ACOT8: variants seen among roughly 807,000 people sequenced by gnomAD.
ACOT8 encodes the protein acyl-CoA thioesterase 8.
A neutral mutation model predicts 38.4 loss-of-function variants in ACOT8; 31 were observed. The observed-to-expected ratio is 0.81, with a 90% CI of 0.61 to 1.09. The LOEUF (loss-of-function observed/expected upper bound fraction) is 1.09. ACOT8 is among the 50% of genes least tolerant of loss of function. The pLI is 0.00. For synonymous variants in ACOT8, 158 were observed against 170.3 expected, an observed-to-expected ratio of 0.93 and a Z score of 0.56; for missense variants, 373 against 421.8, an observed-to-expected ratio of 0.88 and a Z score of 1.01.
At chr20:45,852,029 G>A (rs561668094) in intron 2 of ACOT8, among the ~76,000 whole-genome samples, 3 of 151,872 alleles carry the variant, frequency 2.0e-5, no homozygotes, top group South Asian at 4.2e-4. Flanking sequence ...TCGATCTGTC[G>A]CCCAGGTGGG....
intron 3 of ACOT8, among the ~76,000 whole-genome samples, chr20:45,846,750 T>C (rs2145764496): frequency 6.6e-6 from 1 of 152,316 alleles, no homozygotes; most frequent in Non-Finnish European, 1.5e-5. Flanking sequence ...ATCCTTTGTC[T>C]GGACCCAGAG....
rs747173631 is a variant in ACOT8, at chr20:45,843,627, G to C, written c.741C>G (p.His247Gln). The change falls in exon 5 of 6, where the codon CAC becomes CAG. Residue 247 changes from histidine to glutamine, a missense_variant. By Grantham distance (24) the His-to-Gln change is conservative. Transcript: ENST00000217455. ...CCAGTGAGACCATGAAGTGCACCTT[G>C]TGCTGCCACTGGTGAGGCAGCAGTG... ...GTALLPHQWQHKVHFMVSLDH... is the reference protein window; with the variant it reads ...GTALLPHQWQQKVHFMVSLDH... 1.2e-6 allele frequency: 2 copies of C among 1,613,880 alleles called. No homozygotes were observed. Among genetic ancestry groups the C allele is most frequent in the East Asian group, 2.2e-5 (1 of 44,868 alleles).
chr20:45,841,854 G>A lies in ACOT8; in HGVS notation c.944C>T (p.Ser315Leu), dbSNP rs892504403. The A allele has an allele frequency of 3.1e-6, 5 of 1,605,782 alleles. No individual in the cohort carries two copies. The highest frequency in any genetic ancestry group is 4.2e-6 in the Non-Finnish European group (5 of 1,177,408). ...EGVIRVKPQV[S>L]ESKL is the part of the protein sequence containing the mutation. ...TACCTCTGGCTACAGCTTGCTCTCT[G>A]AGACCTGGGGCTTCACTCGGATCAC... Residue 315 changes from serine to leucine, a missense_variant, in exon 6 of 6, where the codon TCA becomes TTA. Physicochemically the swap from Ser to Leu is moderately radical, Grantham distance 145 (BLOSUM62 -2). Transcript: ENST00000217455.
Position 45,844,609 on chromosome 20 carries a change from C to T in ACOT8, c.489-189G>A, listed in dbSNP as rs550201204. The stretch of plus-strand genomic sequence containing the variant: ...TGGCCACTTACGAGCCATGTGGTCT[C>T]GTGCTAATTAGTAATCTGAGTCTAT... On this transcript the variant is annotated intron_variant, in intron 3 of 5. Coordinates refer to ENST00000217455, the MANE Select transcript of ACOT8 (RefSeq NM_005469.4). Among the ~76,000 whole-genome samples, 3 of 152,234 alleles carry T rather than the reference C, an allele frequency of 2.0e-5. No homozygotes were observed. In the East Asian group the frequency reaches 5.8e-4, roughly 29 times the overall value.
chr20:45,854,786 A>G (rs1177990820), intron 2 of ACOT8, among the ~76,000 whole-genome samples: 1 of 142,568 alleles, frequency 7.0e-6, no homozygotes, highest in African/African-American at 2.7e-5. Flanking sequence ...CTCTTCTCCA[A>G]CCCAAGCTGC....
At chr20:45,850,908 G>A (rs78676906) in intron 2 of ACOT8, among the ~76,000 whole-genome samples, 3,093 of 152,144 alleles carry the variant, frequency 0.02, 126 homozygotes, top group African/African-American at 0.071. Context: ...ACTGGCCAGG[G>A]ATAAGGCAGC....
At chr20:45,856,663 G>C (rs1269715732) in intron 1 of ACOT8, among the ~76,000 whole-genome samples, 1 of 152,216 alleles carries the variant, frequency 6.6e-6, no homozygotes. Context: ...CTGGGCAACA[G>C]AGCAAGACTC....
chr20:45,854,334 C>A (rs557716140), intron 2 of ACOT8, among the ~76,000 whole-genome samples: 1 of 150,894 alleles, frequency 6.6e-6, no homozygotes, highest in Non-Finnish European at 1.5e-5. Flanking sequence ...CTCAGCCTCC[C>A]GAGTAGCTGG....
chr20:45,848,283 C>T (rs184150220), intron 3 of ACOT8, among the ~76,000 whole-genome samples, 167 bp downstream of exon 3: 3 of 152,270 alleles, frequency 2.0e-5, no homozygotes, highest in Admixed American at 6.5e-5. Flanking sequence ...TCAAGTTTCA[C>T]AAAAGGATTC....
intron 2 of ACOT8, among the ~76,000 whole-genome samples, chr20:45,851,270 G>A (rs139947153): frequency 6.6e-6 from 1 of 152,264 alleles, no homozygotes; most frequent in Non-Finnish European, 1.5e-5. Flanking sequence ...TTTGAGAAGG[G>A]CTTACCAAGA....
intron 3 of ACOT8, among the ~76,000 whole-genome samples, chr20:45,845,012 G>T (rs1321873248): frequency 1.3e-5 from 2 of 152,156 alleles, no homozygotes; most frequent in Non-Finnish European, 2.9e-5. Context: ...CAACTCCCAG[G>T]CTCAAGCCAT....
At chr20:45,856,483 C>CGA (rs1985438665) in intron 1 of ACOT8, among the ~76,000 whole-genome samples, 7 of 152,038 alleles carry the variant, frequency 4.6e-5, no homozygotes, top group Admixed American at 4.0e-4. Context: ...AGTTCGAGAC[C>CGA]AGCCTGGCCA....
chr20:45,849,417 G>C (rs1984917645), intron 2 of ACOT8, among the ~76,000 whole-genome samples: 1 of 151,878 alleles, frequency 6.6e-6, no homozygotes, highest in Middle Eastern at 3.2e-3. Flanking sequence ...CCTGAGTGGG[G>C]GGGGACTACA....
intron 5 of ACOT8, 114 bp downstream of exon 5, chr20:45,843,413 A>G (rs1271842254): frequency 1.5e-6 from 2 of 1,364,092 alleles, no homozygotes; most frequent in Non-Finnish European, 2.0e-6. Context: ...GAGGGAAGGA[A>G]AGGAAGTGAC....
At chr20:45,844,202 C>A (rs769359409) in intron 4 of ACOT8, 61 bp downstream of exon 4, 2 of 1,609,182 alleles carry the variant, frequency 1.2e-6, no homozygotes, top group Non-Finnish European at 8.5e-7. Context: ...CAAGGCCACA[C>A]AGCAAATGAG....
At chr20:45,850,525 A>G (rs1029603155) in intron 2 of ACOT8, among the ~76,000 whole-genome samples, 1 of 152,036 alleles carries the variant, frequency 6.6e-6, no homozygotes, top group Non-Finnish European at 1.5e-5. Context: ...GTTTTTCTAC[A>G]TGGTCTAGCC....
At chr20:45,853,751 T>A (rs775096002) in intron 2 of ACOT8, 3 of 377,792 alleles carry the variant, frequency 7.9e-6, no homozygotes, top group Non-Finnish European at 1.5e-5. Flanking sequence ...TTCAAATACT[T>A]TATAGCAGTG....
At chr20:45,850,001 G>A (rs968665993) in intron 2 of ACOT8, among the ~76,000 whole-genome samples, 16 of 152,206 alleles carry the variant, frequency 1.1e-4, no homozygotes, top group African/African-American at 3.6e-4. Context: ...CTGAGACCAG[G>A]AGTTCAAGAC....
chr20:45,857,044 G>A, intron 1 of ACOT8, 144 bp downstream of exon 1: 1 of 969,132 alleles, frequency 1.0e-6, no homozygotes, highest in Non-Finnish European at 1.5e-6. Flanking sequence ...AGCTCTGTTG[G>A]GGGCGAGTTC....
Sources: allele counts gnomAD v4.1 joint callset (sites outside exome capture counted in the v4.1 genomes callset), GRCh38; gene constraint gnomAD v4.1.1; transcripts MANE v1.5; gene names NCBI Gene and HGNC (gene_info 2026-07-23, HGNC 2026-07-21).